The following GLIS3 variants were observed in gnomAD, a reference collection of about 807,000 sequenced individuals.
GLIS3 encodes the protein zinc finger protein GLIS3.
GLIS3 carries 53 observed loss-of-function variants against 78.6 expected under a neutral mutation model. The ratio of observed to expected loss-of-function variants is 0.67; its 90% CI spans 0.54 to 0.85. The LOEUF (loss-of-function observed/expected upper bound fraction) is 0.85. Ranked by LOEUF, GLIS3 falls within the 40% of genes least tolerant of loss-of-function variation. The pLI is 0.00. For missense variants in GLIS3, 1,703 were observed against 1,231.1 expected (o/e 1.38, Z -5.74); for synonymous variants, 684 against 509.9 (o/e 1.34, Z -4.60).
chr9:4,069,241 C>T lies in GLIS3; in HGVS notation c.1710+48527G>A, dbSNP rs570962532. ...GGAATTAATTGGCTACTTTGTCTTC[C>T]AGATTTTGAGACTTACAGGTTGCTC... On this transcript the variant is annotated intron_variant, in intron 4 of 10. Coordinates refer to ENST00000381971, the MANE Select transcript of GLIS3 (RefSeq NM_001042413.2). Among the ~76,000 whole-genome samples, 60 of 152,216 alleles carry T rather than the reference C, an allele frequency of 3.9e-4. 1 individual carries two copies. Among genetic ancestry groups the T allele is most frequent in the African/African-American group, 1.2e-3 (49 of 41,538 alleles).
chr9:4,211,413 C>T (rs537594090), intron 2 of GLIS3, among the ~76,000 whole-genome samples: 1 of 152,162 alleles, frequency 6.6e-6, no homozygotes, highest in Non-Finnish European at 1.5e-5. Context: ...ATCTATCAAG[C>T]CTTGCCACCA....
chr9:4,214,902 G>A (rs897977975), intron 2 of GLIS3, among the ~76,000 whole-genome samples: 1 of 152,188 alleles, frequency 6.6e-6, no homozygotes. Flanking sequence ...TTATCCAAGA[G>A]GGGATTCACA....
the GLIS3 span, among the ~76,000 whole-genome samples, chr9:4,366,134 A>T: frequency 6.6e-6 from 1 of 152,302 alleles, no homozygotes; most frequent in Non-Finnish European, 1.5e-5. Flanking sequence ...AGGACAGAGG[A>T]TATAAAGGGA....
chr9:4,177,028 G>C (rs926562110), intron 2 of GLIS3, among the ~76,000 whole-genome samples: 1 of 152,154 alleles, frequency 6.6e-6, no homozygotes, highest in Admixed American at 6.5e-5. Flanking sequence ...CTGACAATAT[G>C]GGTATCCCCC....
At chr9:4,063,818 A>G (rs1826854993) in intron 4 of GLIS3, among the ~76,000 whole-genome samples, 1 of 152,184 alleles carries the variant, frequency 6.6e-6, no homozygotes, top group South Asian at 2.1e-4. Context: ...TCTACACACT[A>G]CCAACTAATT....
intron 4 of GLIS3, among the ~76,000 whole-genome samples, chr9:3,938,182 A>G (rs1472966317): frequency 6.6e-6 from 1 of 152,226 alleles, no homozygotes; most frequent in Admixed American, 6.5e-5. Flanking sequence ...TAGTTATGTT[A>G]CTTAGACAGT....
intron 7 of GLIS3, among the ~76,000 whole-genome samples, chr9:3,888,510 C>G (rs1822224664): frequency 6.6e-6 from 1 of 152,208 alleles, no homozygotes; most frequent in Non-Finnish European, 1.5e-5. Context: ...CAACTCTGAA[C>G]TCTCTCAAAG....
At chr9:4,392,492 C>T in the GLIS3 span, among the ~76,000 whole-genome samples, 5 of 152,164 alleles carry the variant, frequency 3.3e-5, no homozygotes, top group East Asian at 1.9e-4. Flanking sequence ...CTCTCCACCT[C>T]GCTGGTATCT....
Position 3,826,976 on chromosome 9 carries a change from T to C in GLIS3, c.*1296A>G, listed in dbSNP as rs1817757459. The C allele has an allele frequency of 6.6e-6, 1 of 152,204 alleles. No individual in the cohort carries two copies. Among genetic ancestry groups the C allele is most frequent in the African/African-American group, 2.4e-5 (1 of 41,446 alleles). 9.4% of individuals were successfully genotyped at this position (152,204 alleles called of 1,614,324 possible). On this transcript the variant is annotated 3_prime_UTR_variant, in exon 11 of 11. Coordinates refer to ENST00000381971, the MANE Select transcript of GLIS3 (RefSeq NM_001042413.2). ...ACAGAAAATGACTTCCTATTTAGGCTTGATATTTTCGACCAAGTGCTATGT... is the reference window on the plus strand; with the variant it reads ...ACAGAAAATGACTTCCTATTTAGGCCTGATATTTTCGACCAAGTGCTATGT...
intron 2 of GLIS3, among the ~76,000 whole-genome samples, chr9:4,158,664 T>G (rs113066280): frequency 6.6e-6 from 1 of 152,186 alleles, no homozygotes; most frequent in African/African-American, 2.4e-5. Flanking sequence ...GTCCATCCAT[T>G]AATTCAATAA....
intron 8 of GLIS3, among the ~76,000 whole-genome samples, chr9:3,876,058 T>C (rs1821287787): frequency 6.6e-6 from 1 of 152,216 alleles, no homozygotes; most frequent in East Asian, 1.9e-4. Context: ...ACTTAGTTTA[T>C]TTAATCCTAA....
chr9:4,319,423 T>C (rs1322889349), intron 2 of GLIS3, among the ~76,000 whole-genome samples: 1 of 152,256 alleles, frequency 6.6e-6, no homozygotes, highest in Non-Finnish European at 1.5e-5. Context: ...ATTATTCTAT[T>C]CTTGCAACTT....
the GLIS3 span, among the ~76,000 whole-genome samples, chr9:4,401,355 G>A: frequency 3.9e-5 from 6 of 152,048 alleles, no homozygotes; most frequent in South Asian, 2.1e-4. Context: ...TGTCTCCCAC[G>A]TTCAAGCGAT....
chr9:3,841,515 G>A lies in GLIS3; in HGVS notation c.2474-12023C>T, dbSNP rs531201696. 2.6e-5 allele frequency among the ~76,000 whole-genome samples: 4 copies of A among 152,280 alleles called. No individual in the cohort carries two copies. The South Asian group carries it at 8.3e-4, about 32-fold the overall frequency. On this transcript the variant is annotated intron_variant, in intron 9 of 10. Transcript: ENST00000381971. ...CAACGTGGGAAGGAGAAGCAGCACA[G>A]GGAACAAAGGATTCAGTGCCCAGCT...
chr9:4,324,762 C>G (rs987358347), intron 2 of GLIS3, among the ~76,000 whole-genome samples: 9 of 152,154 alleles, frequency 5.9e-5, no homozygotes, highest in Non-Finnish European at 1.3e-4. Context: ...TTGCTTTGTA[C>G]CATTTTCTGT....
At chr9:4,185,909 G>T (rs900691105) in intron 2 of GLIS3, among the ~76,000 whole-genome samples, 2 of 152,218 alleles carry the variant, frequency 1.3e-5, no homozygotes, top group Non-Finnish European at 2.9e-5. Flanking sequence ...TCAGGGAAGA[G>T]AGCGAGGTGG....
At chr9:4,008,441 T>C (rs1012773628) in intron 4 of GLIS3, among the ~76,000 whole-genome samples, 3 of 152,154 alleles carry the variant, frequency 2.0e-5, no homozygotes, top group Admixed American at 6.6e-5. Context: ...TTGTTCAAAA[T>C]GCTCCCAGTG....
intron 2 of GLIS3, among the ~76,000 whole-genome samples, chr9:4,216,197 G>A (rs1302825629): frequency 6.6e-6 from 1 of 151,874 alleles, no homozygotes; most frequent in Non-Finnish European, 1.5e-5. Flanking sequence ...TTGAGGCCAG[G>A]CACGGTGGCT....
intron 2 of GLIS3, among the ~76,000 whole-genome samples, chr9:4,221,349 A>C (rs1318580027): frequency 6.6e-6 from 1 of 152,228 alleles, no homozygotes; most frequent in African/African-American, 2.4e-5. Flanking sequence ...TTAAAACTTA[A>C]CCAAAAATAT....
Sources: gnomAD v4.1 joint callset for allele counts (sites outside exome capture counted in the v4.1 genomes callset) on GRCh38, gnomAD v4.1.1 for gene constraint, MANE v1.5 for transcripts, NCBI Gene and HGNC (gene_info 2026-07-23, HGNC 2026-07-21) for gene names.